Variants in DYSF observed in about 807,000 individuals in gnomAD.
The protein encoded by DYSF is dystrophy-associated fer-1-like 1.
DYSF carries 212 observed loss-of-function variants against 274.9 expected under a neutral mutation model. The observed-to-expected ratio is 0.77, with a 90% CI of 0.69 to 0.86. DYSF has a LOEUF of 0.86. Among genes scored for constraint, DYSF ranks in the 40% least tolerant of loss-of-function variants. DYSF has a pLI of 0.00. For synonymous variants in DYSF, 1,091 were observed against 1,078.7 expected, an observed-to-expected ratio of 1.01 and a Z score of -0.22; for missense variants, 2,666 against 2,783.2, an observed-to-expected ratio of 0.96 and a Z score of 0.95.
chr2:71,596,702 G>A (rs905904776), intron 32 of DYSF, among the ~76,000 whole-genome samples: 29 of 152,184 alleles, frequency 1.9e-4, no homozygotes, highest in Non-Finnish European at 4.4e-5. Context: ...CCCCTGCCAA[G>A]GGCCTCCCAT....
chr2:71,513,667 G>A (rs758179271), intron 6 of DYSF, 49 bp from the exon 7 acceptor site: 2 of 1,599,994 alleles, frequency 1.3e-6, no homozygotes, highest in East Asian at 2.2e-5. Flanking sequence ...GGCAGGGGCA[G>A]GGGCAGGGCC....
chr2:71,554,146 T>C (rs757570771), intron 21 of DYSF, among the ~76,000 whole-genome samples: 2 of 152,184 alleles, frequency 1.3e-5, no homozygotes, highest in Non-Finnish European at 2.9e-5. Flanking sequence ...GTGAGCAATC[T>C]GAGGCAGCCC....
At chr2:71,611,838 C>T (rs189475837) in intron 38 of DYSF, among the ~76,000 whole-genome samples, 1 of 152,336 alleles carries the variant, frequency 6.6e-6, no homozygotes, top group Non-Finnish European at 1.5e-5. Context: ...CCTGCTCCTC[C>T]TATACCCAAA....
chr2:71,518,051 C>G (rs2086841629), intron 10 of DYSF, among the ~76,000 whole-genome samples: 1 of 152,028 alleles, frequency 6.6e-6, no homozygotes, highest in Non-Finnish European at 1.5e-5. Context: ...CACTCTCACC[C>G]TGGGATGGGA....
intron 1 of DYSF, chr2:71,454,167 C>G (rs139569636): frequency 2.2e-6 from 3 of 1,362,384 alleles, no homozygotes; most frequent in Non-Finnish European, 3.1e-6. Flanking sequence ...CTGGAGAGCA[C>G]CTAGAGCTGA....
At chr2:71,582,508 G>A (rs1233395129) in intron 30 of DYSF, among the ~76,000 whole-genome samples, 1 of 152,126 alleles carries the variant, frequency 6.6e-6, no homozygotes, top group Non-Finnish European at 1.5e-5. Flanking sequence ...GATAATGGTT[G>A]GGTTGTGCAG....
chr2:71,601,027 C>T (rs755234836), intron 34 of DYSF, among the ~76,000 whole-genome samples, 185 bp downstream of exon 34: 16 of 152,202 alleles, frequency 1.1e-4, no homozygotes, highest in Non-Finnish European at 2.1e-4. Flanking sequence ...TGTCTGAGTC[C>T]TCTGGTCACT....
intron 44 of DYSF, 87 bp from the exon 45 acceptor site, chr2:71,660,473 C>T (rs1352604750): frequency 2.6e-6 from 3 of 1,155,952 alleles, no homozygotes; most frequent in Non-Finnish European, 3.9e-6. Context: ...GCTGCTCCCT[C>T]ATCCCATCCA....
At chr2:71,570,457 C>T in intron 28 of DYSF, 123 bp downstream of exon 28, 1 of 1,402,834 alleles carries the variant, frequency 7.1e-7, no homozygotes, top group Middle Eastern at 2.3e-4. Flanking sequence ...TTCTTGAAGG[C>T]ACCCCCCACT....
At chr2:71,682,319 G>C (rs991755310) in intron 54 of DYSF, among the ~76,000 whole-genome samples, 2 of 152,110 alleles carry the variant, frequency 1.3e-5, no homozygotes, top group Admixed American at 6.5e-5. Flanking sequence ...ACCCAGAAGA[G>C]GAGGGCAGCA....
chr2:71,458,200 A>C (rs746744558), intron 1 of DYSF, among the ~76,000 whole-genome samples: 22 of 152,360 alleles, frequency 1.4e-4, no homozygotes, highest in Non-Finnish European at 2.5e-4. Context: ...GTGTTAGTCC[A>C]TATAAAGCAC....
intron 3 of DYSF, among the ~76,000 whole-genome samples, chr2:71,498,829 C>G (rs1384944773): frequency 1.3e-5 from 2 of 152,116 alleles, no homozygotes; most frequent in Non-Finnish European, 2.9e-5. Context: ...TGTCATCATT[C>G]TCTCATTTTT....
Position 71,482,018 on chromosome 2 carries a change from G to T in DYSF, c.239+48G>T, listed in dbSNP as rs776241338. On this transcript the variant is annotated intron_variant, in intron 3 of 55. Coordinates refer to ENST00000410020, the MANE Select transcript of DYSF (RefSeq NM_001130987.2). ...CTCCATGGCTTGAAGGTGCAGGTAG[G>T]ATTGTGGAGTATACAGACTGCAGAA... 3.3e-6 allele frequency: 5 copies of T among 1,506,690 alleles called. No homozygotes were observed. In the East Asian group the frequency reaches 6.8e-5, roughly 20 times the overall value. The allele number at this position is 1,506,690 out of a possible 1,614,324, so 93.3% of individuals were successfully genotyped here.
At chr2:71,463,888 T>C (rs1378874997), upstream of DYSF, among the ~76,000 whole-genome samples, 1 of 152,176 alleles carries the variant, frequency 6.6e-6, no homozygotes, top group Non-Finnish European at 1.5e-5. Context: ...AGTCAGGTTC[T>C]GCTAGAAGGG....
chr2:71,618,431 T>G (rs2093985372), intron 40 of DYSF, among the ~76,000 whole-genome samples: 1 of 41,912 alleles, frequency 2.4e-5, no homozygotes, highest in African/African-American at 1.0e-4. Context: ...GTGGTAGAGG[T>G]GGGGTGTGTG....
chr2:71,514,269 G>T (rs546070262), intron 7 of DYSF, among the ~76,000 whole-genome samples: 2 of 152,124 alleles, frequency 1.3e-5, no homozygotes, highest in South Asian at 2.1e-4. Context: ...GGCTATTCAG[G>T]TGTGGTCTGT....
intron 42 of DYSF, among the ~76,000 whole-genome samples, chr2:71,646,596 T>A (rs1382348435): frequency 1.3e-5 from 2 of 152,076 alleles, no homozygotes; most frequent in Non-Finnish European, 2.9e-5. Context: ...GGAAAACAGA[T>A]TTTAGAAATC....
chr2:71,513,476 C>A, intron 6 of DYSF, 144 bp downstream of exon 6: 3 of 929,888 alleles, frequency 3.2e-6, no homozygotes, highest in Non-Finnish European at 4.9e-6. Flanking sequence ...TAGGGCCATT[C>A]TGTTTTCTTC....
At chr2:71,525,359 G>GA (rs1240056504) in intron 12 of DYSF, among the ~76,000 whole-genome samples, 1 of 152,152 alleles carries the variant, frequency 6.6e-6, no homozygotes, top group Non-Finnish European at 1.5e-5. Flanking sequence ...GAGTAGCTGG[G>GA]ACTACAGGTG....
Sources: gnomAD v4.1 joint callset for allele counts (sites outside exome capture counted in the v4.1 genomes callset) on GRCh38, gnomAD v4.1.1 for gene constraint, MANE v1.5 for transcripts, NCBI Gene and HGNC (gene_info 2026-07-23, HGNC 2026-07-21) for gene names.